The following PCDH15 variants were observed in gnomAD, a reference collection of about 807,000 sequenced individuals.
PCDH15 encodes the protein protocadherin-15.
Under a neutral mutation model 178.5 loss-of-function variants are expected in PCDH15, and 129 were observed. The observed-to-expected ratio is 0.72, with a 90% CI of 0.63 to 0.84. The LOEUF (loss-of-function observed/expected upper bound fraction) is 0.84. Among genes scored for constraint, PCDH15 ranks in the 40% least tolerant of loss-of-function variants. PCDH15 has a pLI of 0.00. For synonymous variants in PCDH15, 800 were observed against 732.0 expected, an observed-to-expected ratio of 1.09 and a Z score of -1.50; for missense variants, 2,230 against 2,099.9, an observed-to-expected ratio of 1.06 and a Z score of -1.21.
At chr10:54,018,157 C>T (rs528027934) in intron 20 of PCDH15, among the ~76,000 whole-genome samples, 2 of 152,124 alleles carry the variant, frequency 1.3e-5, no homozygotes, top group Non-Finnish European at 2.9e-5. Flanking sequence ...CTATGACCTT[C>T]TTTTCCTTAG....
At chr10:55,493,060 G>A (rs980796828) in intron 2 of PCDH15, among the ~76,000 whole-genome samples, 9 of 151,566 alleles carry the variant, frequency 5.9e-5, no homozygotes, top group Admixed American at 4.6e-4. Context: ...AGAGAAATGC[G>A]GTATACCAGT....
intron 2 of PCDH15, among the ~76,000 whole-genome samples, chr10:55,540,140 T>C (rs1277900362): frequency 6.6e-6 from 1 of 152,110 alleles, no homozygotes; most frequent in Admixed American, 6.6e-5. Context: ...CCTTAATCTA[T>C]TTTTTCAAGT....
chr10:55,520,232 A>G (rs1841134163), intron 2 of PCDH15, among the ~76,000 whole-genome samples: 1 of 78,842 alleles, frequency 1.3e-5, no homozygotes, highest in South Asian at 5.0e-4. Flanking sequence ...CGCAATGTGT[A>G]TATATATATA....
intron 2 of PCDH15, among the ~76,000 whole-genome samples, chr10:55,341,788 TATATATATA>T (rs1844579633): frequency 8.2e-5 from 1 of 12,226 alleles, no homozygotes; most frequent in African/African-American, 3.8e-4. Context: ...TATATATATA[TATATATATA>T]TATATATATT....
chr10:53,809,603 C>G, intron 37 of PCDH15: 1 of 1,510,512 alleles, frequency 6.6e-7, no homozygotes, highest in Non-Finnish European at 9.0e-7. Flanking sequence ...ATGGTATGAC[C>G]TTGTCCCACG....
intron 20 of PCDH15, among the ~76,000 whole-genome samples, chr10:54,014,278 G>C (rs2135201913): frequency 6.6e-6 from 1 of 152,046 alleles, no homozygotes. Flanking sequence ...AGTAAATAAA[G>C]AGCCTACCAA....
chr10:55,321,507 C>T (rs1843900980), upstream of PCDH15, among the ~76,000 whole-genome samples: 2 of 151,972 alleles, frequency 1.3e-5, no homozygotes, highest in Admixed American at 1.3e-4. Context: ...GCAAATAACC[C>T]CTGCAAAATA....
At chr10:55,031,750 T>C (rs1363210617) in intron 2 of PCDH15, among the ~76,000 whole-genome samples, 1 of 152,166 alleles carries the variant, frequency 6.6e-6, no homozygotes. Context: ...CCTTCCACCA[T>C]GTGAGGATAC....
At chr10:54,070,151 A>G (rs1443467381) in intron 17 of PCDH15, among the ~76,000 whole-genome samples, 1 of 152,190 alleles carries the variant, frequency 6.6e-6, no homozygotes, top group African/African-American at 2.4e-5. Flanking sequence ...ATATCATAGA[A>G]GAATTTTCAA....
intron 20 of PCDH15, among the ~76,000 whole-genome samples, chr10:53,997,104 G>A (rs2091893216): frequency 6.6e-6 from 1 of 151,948 alleles, no homozygotes; most frequent in Non-Finnish European, 1.5e-5. Flanking sequence ...GAATAAACCT[G>A]CATATTCTAA....
At chr10:55,309,521 T>TA (rs150932345) in intron 1 of PCDH15, among the ~76,000 whole-genome samples, 29,779 of 150,402 alleles carry the variant, frequency 0.2, 4,543 homozygotes, top group African/African-American at 0.43. Flanking sequence ...ACCTTATCTT[T>TA]TAAAAAAAAA....
intron 2 of PCDH15, among the ~76,000 whole-genome samples, chr10:55,491,163 G>C (rs1477159275): frequency 6.6e-6 from 1 of 151,686 alleles, no homozygotes; most frequent in Non-Finnish European, 1.5e-5. Flanking sequence ...GTTCTACCCT[G>C]TGTATTCTAT....
intron 15 of PCDH15, among the ~76,000 whole-genome samples, chr10:54,103,376 T>C (rs1265146667): frequency 6.6e-6 from 1 of 152,210 alleles, no homozygotes; most frequent in Non-Finnish European, 1.5e-5. Context: ...CCTTTGATGG[T>C]TGAGCGCCAC....
chr10:53,804,706 G>A lies in PCDH15; in HGVS notation c.*1873C>T. The A allele has an allele frequency of 6.6e-6, 1 of 152,040 alleles. No individual in the cohort carries two copies. Among genetic ancestry groups the A allele is most frequent in the South Asian group, 2.1e-4 (1 of 4,820 alleles). 9.4% of individuals were successfully genotyped at this position (152,040 alleles called of 1,614,324 possible). On this transcript the variant is annotated 3_prime_UTR_variant, in exon 38 of 38. Coordinates refer to ENST00000644397, the MANE Select transcript of PCDH15 (RefSeq NM_001384140.1). ...TCGATGACCTCTGATTGAATTAGTA[G>A]GGAAATATATGCTTAATCTAATTCC...
intron 1 of PCDH15, among the ~76,000 whole-genome samples, chr10:55,261,939 A>C (rs1842154463): frequency 6.6e-6 from 1 of 150,550 alleles, no homozygotes; most frequent in South Asian, 2.1e-4. Flanking sequence ...AACATAACAA[A>C]TATGGAAAGC....
At chr10:54,045,665 A>G (rs765349401) in intron 18 of PCDH15, among the ~76,000 whole-genome samples, 3 of 148,462 alleles carry the variant, frequency 2.0e-5, no homozygotes, top group Non-Finnish European at 4.5e-5. Context: ...ATAGAAGAAA[A>G]CAAATTATAC....
intron 23 of PCDH15, among the ~76,000 whole-genome samples, chr10:53,953,580 C>A (rs975620048): frequency 1.6e-4 from 24 of 151,944 alleles, no homozygotes; most frequent in African/African-American, 4.8e-4. Flanking sequence ...AAAATCAAAT[C>A]TTTTCCCAAT....
intron 15 of PCDH15, among the ~76,000 whole-genome samples, chr10:54,104,576 G>A (rs761908066): frequency 5.3e-5 from 8 of 151,952 alleles, no homozygotes; most frequent in Non-Finnish European, 7.4e-5. Flanking sequence ...GGTAGCTCAC[G>A]CCTGTAATCC....
intron 2 of PCDH15, among the ~76,000 whole-genome samples, chr10:55,400,110 C>T (rs1838027696): frequency 6.6e-6 from 1 of 152,116 alleles, no homozygotes; most frequent in South Asian, 2.1e-4. Flanking sequence ...TACATGCACA[C>T]CTCATCCTGT....
Sources: allele counts gnomAD v4.1 joint callset (sites outside exome capture counted in the v4.1 genomes callset), GRCh38; gene constraint gnomAD v4.1.1; transcripts MANE v1.5; gene names NCBI Gene and HGNC (gene_info 2026-07-23, HGNC 2026-07-21).